The following SRRM1 variants were observed in gnomAD, a reference collection of about 807,000 sequenced individuals.
The protein encoded by SRRM1 is serine and arginine repetitive matrix 1.
A neutral mutation model predicts 110.2 loss-of-function variants in SRRM1; 19 were observed. That is an observed-to-expected ratio of 0.17 (90% CI 0.12 to 0.25). The LOEUF is 0.25. Among genes scored for constraint, SRRM1 ranks in the 10% least tolerant of loss-of-function variants. The probability of loss-of-function intolerance (pLI) is 1.00; values close to 1 mark genes in which losing one functional copy is unlikely to be tolerated. For missense variants in SRRM1, 918 were observed against 1,145.8 expected (o/e 0.80, Z 2.87); for synonymous variants, 443 against 414.9 (o/e 1.07, Z -0.82).
chr1:24,657,900 A>G (rs980880761), intron 9 of SRRM1, among the ~76,000 whole-genome samples: 26 of 152,186 alleles, frequency 1.7e-4, no homozygotes, highest in African/African-American at 6.0e-4. Flanking sequence ...TTATTTTACT[A>G]TTGTTGGTCA....
At chr1:24,644,896 G>C (rs1055228937) in intron 1 of SRRM1, among the ~76,000 whole-genome samples, 1 of 152,132 alleles carries the variant, frequency 6.6e-6, no homozygotes, top group Non-Finnish European at 1.5e-5. Context: ...CATGAAGTTT[G>C]CTTGTGGTAT....
Position 24,672,355 on chromosome 1 carries a change from TGTG to T in SRRM1, c.*70_*72del. On this transcript the variant is annotated 3_prime_UTR_variant, in exon 17 of 17. Transcript: ENST00000323848. Reference sequence around the variant, plus strand: ...CAGTTCAATTTCAAAATTGCTAAAATGTGTTTGAGCTTTAGACTATAACATTTG... The same window carrying T: ...CAGTTCAATTTCAAAATTGCTAAAATTTTGAGCTTTAGACTATAACATTTG... 8.9e-7 allele frequency: 1 copy of T among 1,117,320 alleles called. No homozygotes were observed. The highest frequency in any genetic ancestry group is 1.3e-6 in the Non-Finnish European group (1 of 770,170). The allele number at this position is 1,117,320 out of a possible 1,614,324, so 69.2% of individuals were successfully genotyped here.
At chr1:24,668,286 G>A (rs1226652280) in intron 13 of SRRM1, among the ~76,000 whole-genome samples, 1 of 152,256 alleles carries the variant, frequency 6.6e-6, no homozygotes, top group East Asian at 1.9e-4. Flanking sequence ...ACTCTTGAAT[G>A]CCTGTTAAGT....
intron 1 of SRRM1, 92 bp downstream of exon 1, chr1:24,643,439 G>T: frequency 8.7e-7 from 1 of 1,154,716 alleles, no homozygotes; most frequent in Non-Finnish European, 1.2e-6. Context: ...TGGCCAGCGA[G>T]GGGAGCTTCG....
At chr1:24,649,708 TA>T (rs1659518528) in intron 4 of SRRM1, among the ~76,000 whole-genome samples, 1 of 152,170 alleles carries the variant, frequency 6.6e-6, no homozygotes, top group South Asian at 2.1e-4. Context: ...TTTTTATTTT[TA>T]TTTTTTTGAA....
chr1:24,646,901 T>C, intron 3 of SRRM1, 112 bp downstream of exon 3: 1 of 881,804 alleles, frequency 1.1e-6, no homozygotes, highest in Non-Finnish European at 1.7e-6. Context: ...TTTACAATGT[T>C]TGTTGTGAAA....
chr1:24,643,494 C>G lies in SRRM1; in HGVS notation c.21+147C>G, dbSNP rs1048113164. The G allele has an allele frequency of 1.6e-4, 91 of 557,426 alleles. 1 individual carries two copies. The highest frequency in any genetic ancestry group is 2.2e-4 in the Non-Finnish European group (80 of 371,500). 34.5% of individuals were successfully genotyped at this position (557,426 alleles called of 1,614,324 possible). A position where few individuals can be genotyped will look rare whatever the true frequency, so the allele number is the denominator to read the frequency against. ...CTAGAGCCGGCGCACCCCCCCCCCC[C>G]CCGTGCGCTGCGGCGGAGACCGGTG... On this transcript the variant is annotated intron_variant, in intron 1 of 16. Coordinates refer to ENST00000323848, the MANE Select transcript of SRRM1 (RefSeq NM_005839.4).
In SRRM1 at chr1:24,670,240, A is replaced by G. The variant is rs752493708; in HGVS notation, c.2325A>G (p.Ser775=). Residue 775 remains serine, a synonymous_variant, in exon 15 of 17, where the codon TCA becomes TCG. Transcript: ENST00000323848. Reference sequence around the variant, plus strand: ...CTCCATCCCCCGTCCAGTCTCAGTCACCGTCTACAAACTGGTCACCAGCTG... The same window carrying G: ...CTCCATCCCCCGTCCAGTCTCAGTCGCCGTCTACAAACTGGTCACCAGCTG... ...PAPPSPVQSQ[S]PSTNWSPAVP... 5 of 1,613,924 alleles carry G rather than the reference A, an allele frequency of 3.1e-6. No homozygotes were observed. Among genetic ancestry groups the G allele is most frequent in the Non-Finnish European group, 3.4e-6 (4 of 1,180,018 alleles).
At position 24,652,563 on chromosome 1, in the gene SRRM1, A is replaced by G. The variant is rs1267288846; in HGVS notation, c.855A>G (p.Arg285=). ...GATCTCGGTCACGCTCCAAATCAAG[A>G]TCCCGGACGCGGTCCCGCTCTCCTT... The part of the protein sequence containing the change: ...RPRSRSRSKS[R]SRTRSRSPSH... The change falls in exon 7 of 17, where the codon AGA becomes AGG. Residue 285 remains arginine (R), a synonymous_variant. Coordinates refer to ENST00000323848, the MANE Select transcript of SRRM1 (RefSeq NM_005839.4). 1 of 1,613,976 alleles carries G rather than the reference A, an allele frequency of 6.2e-7. No homozygotes were observed.
chr1:24,661,775 A>G (rs1462870085), intron 11 of SRRM1, among the ~76,000 whole-genome samples: 3 of 152,198 alleles, frequency 2.0e-5, no homozygotes, highest in Non-Finnish European at 4.4e-5. Flanking sequence ...ACTTAACAGT[A>G]TATTTAGAAC....
Position 24,646,808 on chromosome 1 carries a change from C to A in SRRM1, c.234+19C>A. ...AGTGAAGGTACTAATATACAAATGGCTCTTGTTTCTGAATATGTGATATAA... is the reference window on the plus strand; with the variant it reads ...AGTGAAGGTACTAATATACAAATGGATCTTGTTTCTGAATATGTGATATAA... On this transcript the variant is annotated intron_variant, in intron 3 of 16. Coordinates refer to ENST00000323848, the MANE Select transcript of SRRM1 (RefSeq NM_005839.4). The A allele has an allele frequency of 1.3e-6, 2 of 1,551,166 alleles. No homozygotes were observed. The highest frequency in any genetic ancestry group is 2.2e-5 in the Admixed American group (1 of 45,150).
chr1:24,654,960 T>G lies in SRRM1; in HGVS notation c.1146T>G (p.Pro382=). The change falls in exon 9 of 17, where the codon CCT becomes CCG. Residue 382 remains proline (P), a synonymous_variant. Coordinates refer to ENST00000323848, the MANE Select transcript of SRRM1 (RefSeq NM_005839.4). ...KKPPKRTSSP[P]RKTRRLSPSA... ...CTCCCAAGAGGACATCCAGCCCCCC[T>G]CGGAAAACTCGTAGGTTATCTCCTT... 6.2e-7 allele frequency: 1 copy of G among 1,614,080 alleles called. No homozygotes were observed.
intron 9 of SRRM1, among the ~76,000 whole-genome samples, chr1:24,660,233 G>GT (rs1666437310): frequency 6.6e-6 from 1 of 152,138 alleles, no homozygotes. Flanking sequence ...TGTGGAGCTC[G>GT]TGTAGCACAC....
intron 13 of SRRM1, among the ~76,000 whole-genome samples, chr1:24,667,965 CTTTTTT>C (rs1038405035): frequency 1.4e-3 from 96 of 68,514 alleles, no homozygotes; most frequent in African/African-American, 4.5e-3. Context: ...TGCTGCCACT[CTTTTTT>C]TTTTTTTTTT....
intron 11 of SRRM1, among the ~76,000 whole-genome samples, chr1:24,661,671 A>G (rs1667285102): frequency 6.6e-6 from 1 of 152,362 alleles, no homozygotes; most frequent in Admixed American, 6.5e-5. Context: ...CCAACCTCCT[A>G]AAGCTTTTAT....
chr1:24,668,204 T>A (rs1282406900), intron 13 of SRRM1, among the ~76,000 whole-genome samples: 1 of 151,978 alleles, frequency 6.6e-6, no homozygotes, highest in Non-Finnish European at 1.5e-5. Flanking sequence ...ACTCCTGACC[T>A]CAGGTGATCC....
intron 16 of SRRM1, 110 bp downstream of exon 16, chr1:24,671,705 C>CT: frequency 1.0e-6 from 1 of 979,436 alleles, no homozygotes; most frequent in Non-Finnish European, 1.5e-6. Flanking sequence ...GCCAGTTACT[C>CT]TGAGATAAAA....
chr1:24,669,993 G>T (rs982881025), intron 14 of SRRM1, 127 bp from the exon 15 acceptor site: 6 of 886,790 alleles, frequency 6.8e-6, no homozygotes, highest in Non-Finnish European at 1.0e-5. Context: ...TATGTTAGTT[G>T]AATCAACCAG....
chr1:24,648,773 A>C, intron 3 of SRRM1, 86 bp from the exon 4 acceptor site: 1 of 1,219,418 alleles, frequency 8.2e-7, no homozygotes, highest in Non-Finnish European at 1.2e-6. Context: ...AAAAAATACT[A>C]ATTTAAATGA....
Sources: allele counts gnomAD v4.1 joint callset (sites outside exome capture counted in the v4.1 genomes callset), GRCh38; gene constraint gnomAD v4.1.1; transcripts MANE v1.5; gene names NCBI Gene and HGNC (gene_info 2026-07-23, HGNC 2026-07-21).